The following SECISBP2 variants were observed in gnomAD, a reference collection of about 807,000 sequenced individuals.
SECISBP2 encodes SECIS binding protein 2, also known as selenocysteine insertion sequence-binding protein 2.
A neutral mutation model predicts 98.2 loss-of-function variants in SECISBP2; 96 were observed. The observed-to-expected ratio is 0.98, with a 90% CI of 0.83 to 1.16. The LOEUF (loss-of-function observed/expected upper bound fraction) is 1.16, where lower values mean the gene tolerates loss of function less well. Ranked by LOEUF, SECISBP2 falls within the 50% of genes most tolerant of loss-of-function variation. SECISBP2 has a pLI of 0.00. For missense variants in SECISBP2, 1,046 were observed against 1,022.9 expected (o/e 1.02, Z -0.31); for synonymous variants, 407 against 370.2 (o/e 1.10, Z -1.14).
At chr9:89,359,758 C>G (rs1483835607), downstream of SECISBP2, 1 of 152,068 alleles carries the variant, frequency 6.6e-6, no homozygotes. Context: ...AAAAGGGGGC[C>G]GCGTAGTGGG....
At chr9:89,366,742 T>C in the SECISBP2 span, among the ~76,000 whole-genome samples, 2 of 152,202 alleles carry the variant, frequency 1.3e-5, no homozygotes, top group East Asian at 3.8e-4. Flanking sequence ...AAGAAACAGA[T>C]TTTTTTGAGC....
At position 89,325,627 on chromosome 9, in the gene SECISBP2, G is replaced by A. The variant is rs757133015; in HGVS notation, c.383G>A (p.Arg128Gln). ...CYRGFQTVKH[R>Q]NENTCPLPQE... ...CGAGGTTTTCAAACAGTGAAGCATCGAAATGAGAACACATGCCCTCTCCCA... is the reference window on the plus strand; with the variant it reads ...CGAGGTTTTCAAACAGTGAAGCATCAAAATGAGAACACATGCCCTCTCCCA... Residue 128 changes from arginine to glutamine, a missense_variant, in exon 3 of 17, where the codon CGA becomes CAA. Arg to Gln is a conservative substitution (Grantham distance 43). Transcript: ENST00000375807. 36 of 1,614,000 alleles carry A rather than the reference G, an allele frequency of 2.2e-5. No homozygotes were observed. The highest frequency in any genetic ancestry group is 5.0e-5 in the Admixed American group (3 of 60,004).
At chr9:89,336,901 AGCTGGGATTACAGGTGCCC>A (rs1828835290) in intron 7 of SECISBP2, among the ~76,000 whole-genome samples, 1 of 148,242 alleles carries the variant, frequency 6.7e-6, no homozygotes, top group Admixed American at 6.9e-5. Context: ...TCTCCCAAGT[AGCTGGGATTACAGGTGCCC>A]GCCACCATGC....
At position 89,346,918 on chromosome 9, in the gene SECISBP2, CAG is replaced by C. The variant is rs747019214; in HGVS notation, c.1473_1474del (p.Gly495ProfsTer64). 3.0e-5 allele frequency: 49 copies of C among 1,614,012 alleles called. No individual in the cohort carries two copies. The highest frequency in any genetic ancestry group is 9.9e-5 in the South Asian group (9 of 91,076). ...CCAGTCCTTTCCAAAGAATGTGCAT[CAG>C]GGGAGAGAGGCCGCCGCATGAGTCA... On this transcript the variant is annotated frameshift_variant, in exon 11 of 17. Transcript: ENST00000375807. LOFTEE classifies it high-confidence loss of function.
chr9:89,319,651 G>C lies in SECISBP2; in HGVS notation c.37-1G>C. The C allele has an allele frequency of 6.2e-7, 1 of 1,614,094 alleles. No individual in the cohort carries two copies. The highest frequency in any genetic ancestry group is 8.5e-7 in the Non-Finnish European group (1 of 1,180,006). On this transcript the variant is annotated splice_acceptor_variant, in intron 1 of 16. Coordinates refer to ENST00000375807, the MANE Select transcript of SECISBP2 (RefSeq NM_024077.5). LOFTEE classifies it high-confidence loss of function. ...GGCCAAAACCTCATATTTTTCCTCA[G>C]GGCATCAAGTTATCAGCAGATGTCA...
chr9:89,340,888 T>C (rs75181605), intron 9 of SECISBP2, among the ~76,000 whole-genome samples: 4,502 of 152,308 alleles, frequency 0.03, 75 homozygotes, highest in African/African-American at 0.042. Context: ...TAATATTATT[T>C]GCTGAGTATG....
At chr9:89,353,283 G>A (rs1831558741) in intron 14 of SECISBP2, among the ~76,000 whole-genome samples, 1 of 152,148 alleles carries the variant, frequency 6.6e-6, no homozygotes, top group Non-Finnish European at 1.5e-5. Flanking sequence ...GATGTGGTTG[G>A]GCTGCTTCCA....
At chr9:89,322,058 T>C (rs1190567680) in intron 2 of SECISBP2, 3 of 152,238 alleles carry the variant, frequency 2.0e-5, no homozygotes, top group Non-Finnish European at 4.4e-5. Flanking sequence ...ATAGTAACCT[T>C]TTACAGAATT....
intron 7 of SECISBP2, among the ~76,000 whole-genome samples, chr9:89,335,271 TA>T (rs1208286320): frequency 6.6e-6 from 1 of 151,930 alleles, no homozygotes; most frequent in Non-Finnish European, 1.5e-5. Flanking sequence ...GGTACTATCA[TA>T]AAAAAAGATT....
rs1378816999 is a variant in SECISBP2, at chr9:89,339,880, C to G, written c.1229C>G (p.Pro410Arg). ...TTTACTTAGGATGCCGAGGAATTTC[C>G]CAACCTGGCAGTTGCATCTGAAAGA... ...PPRIEDAEEF[P>R]NLAVASERRD... is the part of the protein sequence containing the mutation. The change falls in exon 9 of 17, where the codon CCC (proline) becomes CGC (arginine). Residue 410 changes from proline to arginine, a missense_variant. Physicochemically the swap from Pro to Arg is moderately radical, Grantham distance 103 (BLOSUM62 -2). Transcript: ENST00000375807. The G allele has an allele frequency of 6.2e-7, 1 of 1,613,550 alleles. No homozygotes were observed. Among genetic ancestry groups the G allele is most frequent in the Admixed American group, 1.7e-5 (1 of 59,996 alleles).
At chr9:89,320,971 T>C (rs186765447) in intron 2 of SECISBP2, among the ~76,000 whole-genome samples, 38 of 152,384 alleles carry the variant, frequency 2.5e-4, no homozygotes, top group African/African-American at 8.4e-4. Flanking sequence ...TCTAGAATTA[T>C]ATTTGCAAGA....
At chr9:89,342,704 A>C (rs1829837620) in intron 10 of SECISBP2, among the ~76,000 whole-genome samples, 1 of 152,224 alleles carries the variant, frequency 6.6e-6, no homozygotes, top group Non-Finnish European at 1.5e-5. Flanking sequence ...ACCTAAAAGA[A>C]ATATCTGGAA....
rs538006353 is a variant in SECISBP2 at position 89,325,842 on chromosome 9, A to G, written c.433-55A>G. 6.8e-5 allele frequency: 109 copies of G among 1,611,204 alleles called. No homozygotes were observed. In the African/African-American group the frequency reaches 1.3e-3, roughly 19 times the overall value. ...GAATACTTAATATTTTGCTGCTTTAAACCTTTTTTATAGTGGTGGTTTTAT... is the reference window on the plus strand; with the variant it reads ...GAATACTTAATATTTTGCTGCTTTAGACCTTTTTTATAGTGGTGGTTTTAT... On this transcript the variant is annotated intron_variant, in intron 3 of 16. Transcript: ENST00000375807.
At chr9:89,355,040 T>TTG in intron 14 of SECISBP2, 1 of 985,380 alleles carries the variant, frequency 1.0e-6, no homozygotes, top group Non-Finnish European at 1.2e-6. Context: ...TGCAAATGCT[T>TTG]TGGGTAGATC....
In SECISBP2 at chr9:89,318,600, GC is replaced by G; in HGVS notation, c.27del (p.Glu10LysfsTer26). 1 of 1,460,594 alleles carries G rather than the reference GC, an allele frequency of 6.8e-7. No homozygotes were observed. The highest frequency in any genetic ancestry group is 9.0e-7 in the Non-Finnish European group (1 of 1,115,948). 90.5% of individuals were successfully genotyped at this position (1,460,594 alleles called of 1,614,324 possible). On this transcript the variant is annotated frameshift_variant, in exon 1 of 17. Coordinates refer to ENST00000375807, the MANE Select transcript of SECISBP2 (RefSeq NM_024077.5). LOFTEE classifies it high-confidence loss of function. ...GCATGGCGTCGGAGGGGCCGCGGGA[GC>G]CCGAAAGCGAGGTAAGGGCCGACGG... MASEGPRE[P>X]ESEGIKLSAD...
At chr9:89,349,680 G>C in intron 12 of SECISBP2, 96 bp from the exon 13 acceptor site, 1 of 1,284,328 alleles carries the variant, frequency 7.8e-7, no homozygotes, top group Non-Finnish European at 1.1e-6. Context: ...TTGTGTGCAG[G>C]GGTCTGGTTG....
intron 8 of SECISBP2, 124 bp from the exon 9 acceptor site, chr9:89,339,740 C>T (rs78037315): frequency 0.08 from 59,236 of 740,724 alleles, 3,070 homozygotes; most frequent in Middle Eastern, 0.14. Context: ...GAGAGTTTCG[C>T]GGCTTTTTTT....
chr9:89,334,023 A>G (rs1828212775), intron 6 of SECISBP2: 1 of 1,057,272 alleles, frequency 9.5e-7, no homozygotes, highest in African/African-American at 1.7e-5. Flanking sequence ...GTCTGTATAT[A>G]GAGTTTCATG....
At chr9:89,343,861 A>G (rs1322709308) in intron 10 of SECISBP2, among the ~76,000 whole-genome samples, 1 of 152,212 alleles carries the variant, frequency 6.6e-6, no homozygotes, top group Non-Finnish European at 1.5e-5. Context: ...ATACCCAGTA[A>G]TGGGATTGCT....
Sources: gnomAD v4.1 joint callset for allele counts (sites outside exome capture counted in the v4.1 genomes callset) on GRCh38, gnomAD v4.1.1 for gene constraint, MANE v1.5 for transcripts, NCBI Gene and HGNC (gene_info 2026-07-23, HGNC 2026-07-21) for gene names.